TACR1: variants seen among roughly 807,000 people sequenced by gnomAD.
TACR1 encodes the protein substance-P receptor.
A neutral mutation model predicts 35.8 loss-of-function variants in TACR1; 25 were observed. The observed-to-expected ratio is 0.70, with a 90% CI of 0.51 to 0.98. TACR1 has a LOEUF of 0.98. Ranked by LOEUF, TACR1 falls within the 50% of genes least tolerant of loss-of-function variation. The probability of loss-of-function intolerance (pLI) is 0.00; values close to 1 mark genes in which losing one functional copy is unlikely to be tolerated. For missense variants in TACR1, 478 were observed against 522.9 expected, an observed-to-expected ratio of 0.91 and a Z score of 0.84; for synonymous variants, 195 against 206.7, an observed-to-expected ratio of 0.94 and a Z score of 0.48.
At chr2:75,124,400 C>T (rs1674033483) in intron 1 of TACR1, among the ~76,000 whole-genome samples, 1 of 152,180 alleles carries the variant, frequency 6.6e-6, no homozygotes. Context: ...TGAGATTTGT[C>T]CAGTGGGGCC....
At chr2:75,129,392 C>T (rs1674137532) in intron 1 of TACR1, among the ~76,000 whole-genome samples, 1 of 152,156 alleles carries the variant, frequency 6.6e-6, no homozygotes, top group Non-Finnish European at 1.5e-5. Flanking sequence ...TTAATGCTCT[C>T]TTCTGACCAA....
At chr2:75,063,627 T>G (rs1672709087) in intron 2 of TACR1, among the ~76,000 whole-genome samples, 1 of 152,140 alleles carries the variant, frequency 6.6e-6, no homozygotes, top group Non-Finnish European at 1.5e-5. Context: ...TGTTTCTGGG[T>G]TTTTCTTCTG....
At chr2:75,189,069 C>G (rs1376025173) in intron 1 of TACR1, 1 of 151,968 alleles carries the variant, frequency 6.6e-6, no homozygotes, top group African/African-American at 2.4e-5. Flanking sequence ...TAACGTTAAT[C>G]AGGTAGATAA....
intron 2 of TACR1, among the ~76,000 whole-genome samples, chr2:75,054,814 T>C (rs934617269): frequency 1.3e-5 from 2 of 152,308 alleles, no homozygotes; most frequent in Non-Finnish European, 2.9e-5. Context: ...GTCACTGTGC[T>C]AATAATAATG....
At chr2:75,067,139 C>CT (rs1025035987) in intron 2 of TACR1, among the ~76,000 whole-genome samples, 2 of 151,948 alleles carry the variant, frequency 1.3e-5, no homozygotes, top group African/African-American at 2.4e-5. Context: ...AAGACAGGGA[C>CT]TTTTTTTTGA....
intron 1 of TACR1, among the ~76,000 whole-genome samples, chr2:75,140,750 TTG>T (rs1218002054): frequency 2.0e-5 from 3 of 152,164 alleles, no homozygotes; most frequent in Non-Finnish European, 4.4e-5. Context: ...AAGGACCAGG[TTG>T]TGTGTGAATT....
At chr2:75,128,032 C>T (rs187081651) in intron 1 of TACR1, among the ~76,000 whole-genome samples, 198 of 152,246 alleles carry the variant, frequency 1.3e-3, no homozygotes, top group Non-Finnish European at 2.5e-3. Flanking sequence ...CATCACTGGA[C>T]GGTAAGCTTC....
At chr2:75,111,581 T>C (rs2103889296) in intron 2 of TACR1, among the ~76,000 whole-genome samples, 1 of 152,168 alleles carries the variant, frequency 6.6e-6, no homozygotes, top group South Asian at 2.1e-4. Flanking sequence ...AATATCATAC[T>C]GGATAAGTAA....
At chr2:75,064,091 GA>G (rs11368506) in intron 2 of TACR1, among the ~76,000 whole-genome samples, 316 of 141,384 alleles carry the variant, frequency 2.2e-3, no homozygotes, top group African/African-American at 5.1e-3. Flanking sequence ...GCAGTGTTAG[GA>G]AAAAAAAAAA....
chr2:75,196,420 A>G (rs1208729059), intron 1 of TACR1, among the ~76,000 whole-genome samples: 1 of 151,996 alleles, frequency 6.6e-6, no homozygotes, highest in Non-Finnish European at 1.5e-5. Flanking sequence ...TCTACCTTGA[A>G]CTCTAATCTT....
At position 75,120,766 on chromosome 2, in the gene TACR1, T is replaced by G; in HGVS notation, c.392A>C (p.Tyr131Ser). ...YSMTAVAFDR[Y>S]MAIIHPLQPR... ...CTGGAGGGGATGTATGATGGCCATG[T>G]ACCTGGAACAGAGAAGAAAGAACAA... is the stretch of plus-strand genomic sequence containing the variant. The change falls in exon 2 of 5, where the codon TAC becomes TCC. Residue 131 changes from tyrosine to serine, a missense_variant and splice_region_variant. Transcript: ENST00000305249. 1 of 1,603,362 alleles carries G rather than the reference T, an allele frequency of 6.2e-7. No individual in the cohort carries two copies. The highest frequency in any genetic ancestry group is 1.3e-5 in the African/African-American group (1 of 74,604).
chr2:75,160,698 A>T (rs543475903), intron 1 of TACR1, among the ~76,000 whole-genome samples: 1 of 149,610 alleles, frequency 6.7e-6, no homozygotes, highest in Non-Finnish European at 1.5e-5. Context: ...CAATAAGATA[A>T]AAAATAATGG....
At chr2:75,154,401 A>AGTGCGCTCGCGTGC (rs1553380901) in intron 1 of TACR1, 1 of 76,444 alleles carries the variant, frequency 1.3e-5, no homozygotes, top group African/African-American at 5.8e-5. Context: ...ATCAGCCAAG[A>AGTGCGCTCGCGTGC]GCGCGCACGC....
chr2:75,131,309 C>T (rs904086993), intron 1 of TACR1, among the ~76,000 whole-genome samples: 4 of 151,940 alleles, frequency 2.6e-5, no homozygotes, highest in Non-Finnish European at 4.4e-5. Context: ...AGGATGGTCT[C>T]GATCTCCTGA....
At chr2:75,118,018 TG>T (rs1297449929) in intron 2 of TACR1, among the ~76,000 whole-genome samples, 2 of 152,328 alleles carry the variant, frequency 1.3e-5, no homozygotes, top group African/African-American at 4.8e-5. Flanking sequence ...TAGAGAGTGA[TG>T]GGACTGGGAG....
intron 2 of TACR1, among the ~76,000 whole-genome samples, chr2:75,061,606 C>G (rs1672675208): frequency 3.3e-5 from 5 of 152,130 alleles, no homozygotes; most frequent in Admixed American, 2.6e-4. Context: ...CAGAGACAGG[C>G]CAGGACCAAG....
intron 1 of TACR1, among the ~76,000 whole-genome samples, chr2:75,152,454 C>A (rs1674695350): frequency 6.6e-6 from 1 of 152,142 alleles, no homozygotes; most frequent in African/African-American, 2.4e-5. Context: ...TTTTCTTTTG[C>A]CGCTGCCAAG....
At chr2:75,175,705 T>G (rs763554510) in intron 1 of TACR1, among the ~76,000 whole-genome samples, 1 of 152,126 alleles carries the variant, frequency 6.6e-6, no homozygotes, top group Non-Finnish European at 1.5e-5. Context: ...CCACCCAGAA[T>G]GCCCAGGGAA....
At chr2:75,137,375 A>T (rs570107095) in intron 1 of TACR1, among the ~76,000 whole-genome samples, 8 of 152,318 alleles carry the variant, frequency 5.3e-5, no homozygotes, top group Admixed American at 5.2e-4. Context: ...GTGGTCACGC[A>T]TGGTGCGCCC....
Sources: gnomAD v4.1 joint callset for allele counts (sites outside exome capture counted in the v4.1 genomes callset) on GRCh38, gnomAD v4.1.1 for gene constraint, MANE v1.5 for transcripts, NCBI Gene and HGNC (gene_info 2026-07-23, HGNC 2026-07-21) for gene names.